Variants in RRM2B observed in about 807,000 individuals in gnomAD.
RRM2B encodes ribonucleoside-diphosphate reductase subunit M2 B.
RRM2B carries 20 observed loss-of-function variants against 45.9 expected under a neutral mutation model. That is an observed-to-expected ratio of 0.44 (90% CI 0.31 to 0.63). The LOEUF (loss-of-function observed/expected upper bound fraction) is 0.63. Among genes scored for constraint, RRM2B ranks in the 30% least tolerant of loss-of-function variants. The pLI is 0.09. For synonymous variants in RRM2B, 124 were observed against 132.3 expected (o/e 0.94, Z 0.43); for missense variants, 320 against 414.7 (o/e 0.77, Z 1.98).
chr8:102,232,456 A>C, intron 1 of RRM2B, 152 bp from the exon 2 acceptor site: 1 of 755,864 alleles, frequency 1.3e-6, no homozygotes, highest in Non-Finnish European at 2.3e-6. Context: ...TAGCTGACTA[A>C]TACTGTTAGG....
Position 102,224,837 on chromosome 8 carries a change from C to T in RRM2B, c.455+48G>A. The stretch of plus-strand genomic sequence containing the variant: ...GTTTTGGAATAAATTCTGATCTGAA[C>T]ATAACCAAGCCGTAAGCAATATTTT... On this transcript the variant is annotated intron_variant, in intron 4 of 8. Transcript: ENST00000251810. 4 of 1,577,586 alleles carry T rather than the reference C, an allele frequency of 2.5e-6. No homozygotes were observed. In the South Asian group the frequency reaches 4.4e-5, roughly 18 times the overall value.
chr8:102,205,168 A>G lies in RRM2B; in HGVS notation c.*2965T>C, dbSNP rs942512409. On this transcript the variant is annotated 3_prime_UTR_variant, in exon 9 of 9. Transcript: ENST00000251810. ...GATTAATTTGGCTTTTATTTAGCCC[A>G]TCTGCAGCTTTATCATTAAAAATCA... 5 of 152,206 alleles carry G rather than the reference A, an allele frequency of 3.3e-5. No individual in the cohort carries two copies. Among genetic ancestry groups the G allele is most frequent in the Admixed American group, 3.3e-4 (5 of 15,272 alleles). The allele number at this position is 152,206 out of a possible 1,614,324, so 9.4% of individuals were successfully genotyped here. A position where few individuals can be genotyped will look rare whatever the true frequency, so the allele number is the denominator to read the frequency against.
intron 6 of RRM2B, among the ~76,000 whole-genome samples, chr8:102,215,944 C>CAAAAAAAAAA (rs60059243): frequency 5.8e-4 from 44 of 75,682 alleles, no homozygotes; most frequent in Middle Eastern, 7.6e-3. Flanking sequence ...GACCCTGTCT[C>CAAAAAAAAAA]AAAAAAAAAA....
chr8:102,234,341 G>A (rs1811082057), intron 1 of RRM2B, among the ~76,000 whole-genome samples: 1 of 152,088 alleles, frequency 6.6e-6, no homozygotes, highest in Admixed American at 6.5e-5. Context: ...GTATTATGAG[G>A]GATTTTGCAA....
At chr8:102,209,998 G>A (rs559287484) in intron 8 of RRM2B, among the ~76,000 whole-genome samples, 2 of 152,352 alleles carry the variant, frequency 1.3e-5, no homozygotes, top group Admixed American at 6.5e-5. Context: ...CTAAGGCAAG[G>A]TGGGTAAGGG....
chr8:102,224,744 A>G lies in RRM2B; in HGVS notation c.455+141T>C, dbSNP rs970066590. The G allele has an allele frequency of 8.4e-6, 7 of 837,712 alleles. No individual in the cohort carries two copies. In the South Asian group the frequency reaches 1.2e-4, roughly 14 times the overall value. 51.9% of individuals were successfully genotyped at this position (837,712 alleles called of 1,614,324 possible). ...ACAAGTTTTTTTTAAAACCCAATACATTATTAAGCAATAGAAAATATTATG... is the reference window on the plus strand; with the variant it reads ...ACAAGTTTTTTTTAAAACCCAATACGTTATTAAGCAATAGAAAATATTATG... On this transcript the variant is annotated intron_variant, in intron 4 of 8. Transcript: ENST00000251810.
chr8:102,216,005 CAAAAG>C (rs898941647), intron 6 of RRM2B, among the ~76,000 whole-genome samples: 1 of 143,388 alleles, frequency 7.0e-6, no homozygotes, highest in African/African-American at 2.6e-5. Context: ...AGAACACTTT[CAAAAG>C]AAAAGTTTCG....
At chr8:102,224,736 C>A in intron 4 of RRM2B, 149 bp downstream of exon 4, 1 of 787,612 alleles carries the variant, frequency 1.3e-6, no homozygotes, top group Non-Finnish European at 2.0e-6. Flanking sequence ...TTTTTTAAAA[C>A]CCAATACATT....
In RRM2B at chr8:102,232,293, T is replaced by C. The variant is rs758522764; in HGVS notation, c.60A>G (p.Ser20=). 9 of 1,613,962 alleles carry C rather than the reference T, an allele frequency of 5.6e-6. No individual in the cohort carries two copies. Among genetic ancestry groups the C allele is most frequent in the Non-Finnish European group, 6.8e-6 (8 of 1,179,928 alleles). ...AGLDQDERSS[S]DTNESEIKSN... ...ACTTTATTTCACTTTCGTTGGTGTC[T>C]GAAGATGATCTCTTTGAAAAATAAA... Residue 20 remains serine (S), a synonymous_variant, in exon 2 of 9, where the codon TCA becomes TCG. Coordinates refer to ENST00000251810, the MANE Select transcript of RRM2B (RefSeq NM_015713.5).
At chr8:102,215,700 C>T (rs2132546659) in intron 6 of RRM2B, among the ~76,000 whole-genome samples, 1 of 152,132 alleles carries the variant, frequency 6.6e-6, no homozygotes, top group Non-Finnish European at 1.5e-5. Flanking sequence ...AATCCCAGCA[C>T]TTTGGGAGGC....
chr8:102,220,565 C>G (rs762754517), intron 5 of RRM2B, among the ~76,000 whole-genome samples: 1 of 152,128 alleles, frequency 6.6e-6, no homozygotes, highest in South Asian at 2.1e-4. Flanking sequence ...TAGCCTCTGA[C>G]GTAGCTGGGA....
intron 2 of RRM2B, among the ~76,000 whole-genome samples, chr8:102,228,245 G>A (rs560493566): frequency 1.2e-4 from 19 of 152,302 alleles, no homozygotes; most frequent in Admixed American, 3.3e-4. Flanking sequence ...CAGCTTGACA[G>A]CATTCCTTTG....
chr8:102,221,277 T>C (rs1184902584), intron 5 of RRM2B, among the ~76,000 whole-genome samples: 1 of 152,196 alleles, frequency 6.6e-6, no homozygotes, highest in South Asian at 2.1e-4. Context: ...TAAAGGCTTA[T>C]AAGAGTCTGG....
At chr8:102,236,509 G>A (rs201460002) in intron 1 of RRM2B, among the ~76,000 whole-genome samples, 3 of 152,170 alleles carry the variant, frequency 2.0e-5, no homozygotes, top group African/African-American at 7.2e-5. Flanking sequence ...CATGAAAAAA[G>A]CAGCTTCAAC....
chr8:102,213,924 T>C lies in RRM2B; in HGVS notation c.789+130A>G, dbSNP rs971754887. ...AATTGTAATATATCATGTATTGGTA[T>C]TGTCAGGCTGACCAGAATAAAATTG... On this transcript the variant is annotated intron_variant, in intron 7 of 8. Transcript: ENST00000251810. 15 of 704,870 alleles carry C rather than the reference T, an allele frequency of 2.1e-5. No individual in the cohort carries two copies. In the African/African-American group the frequency reaches 2.3e-4, roughly 11 times the overall value. 43.7% of individuals were successfully genotyped at this position (704,870 alleles called of 1,614,324 possible).
Position 102,224,970 on chromosome 8 carries a change from A to G in RRM2B, c.370T>C (p.Tyr124His). 1 of 1,614,174 alleles carries G rather than the reference A, an allele frequency of 6.2e-7. No homozygotes were observed. Among genetic ancestry groups the G allele is most frequent in the South Asian group, 1.1e-5 (1 of 91,082 alleles). Residue 124 changes from tyrosine to histidine, a missense_variant, in exon 4 of 9, where the codon TAT (tyrosine) becomes CAT (histidine). By Grantham distance (83) the Tyr-to-His change is moderately conservative. Around this residue, in one of 3 missense-constraint regions of RRM2B, gnomAD observed 225 missense variants for 289.4 expected, o/e 0.78. Transcript: ENST00000251810. ...EVQVPEARCF[Y>H]GFQILIENVH... ...TTCTCGATGAGAATTTGAAAGCCAT[A>G]GAAACAGCGAGCCTCTGGAACCTGC... is the stretch of plus-strand genomic sequence containing the variant.
chr8:102,209,287 G>C (rs1810596702), intron 8 of RRM2B, among the ~76,000 whole-genome samples: 1 of 152,156 alleles, frequency 6.6e-6, no homozygotes, highest in Non-Finnish European at 1.5e-5. Flanking sequence ...GAACACTACA[G>C]ATAAACATAT....
rs147915359 is a variant in RRM2B at position 102,212,441 on chromosome 8, C to T, written c.903+335G>A. Among the ~76,000 whole-genome samples the T allele has an allele frequency of 8.5e-5, 13 of 152,256 alleles. No individual in the cohort carries two copies. In the East Asian group the frequency reaches 2.5e-3, roughly 29 times the overall value. ...TTTAAAAGTATTAACTCCCAAACCA[C>T]AATATAGACACATGGCGATTTATAT... On this transcript the variant is annotated intron_variant, in intron 8 of 8. Transcript: ENST00000251810.
At chr8:102,232,013 G>A in intron 2 of RRM2B, 136 bp downstream of exon 2, 1 of 823,492 alleles carries the variant, frequency 1.2e-6, no homozygotes, top group South Asian at 1.5e-5. Flanking sequence ...ATCATATTTA[G>A]TCTCAGTAAT....
Sources: gnomAD v4.1 joint callset for allele counts (sites outside exome capture counted in the v4.1 genomes callset) on GRCh38, gnomAD v4.1.1 for gene constraint, gnomAD v4.1.1 regional missense constraint, MANE v1.5 for transcripts, NCBI Gene and HGNC (gene_info 2026-07-23, HGNC 2026-07-21) for gene names.